SEC31A: variants seen among roughly 807,000 people sequenced by gnomAD.
The protein encoded by SEC31A is protein transport protein Sec31A.
In SEC31A, 70 loss-of-function variants were observed where a neutral mutation model predicts 151.0. That is an observed-to-expected ratio of 0.46 (90% CI 0.38 to 0.57). SEC31A has a LOEUF of 0.57. SEC31A is among the 20% of genes least tolerant of loss of function. The pLI, the probability that SEC31A is intolerant of heterozygous loss-of-function variation, is 0.00. For synonymous variants in SEC31A, 475 were observed against 505.9 expected (o/e 0.94, Z 0.82); for missense variants, 1,330 against 1,471.2 (o/e 0.90, Z 1.57).
chr4:82,870,829 A>C (rs1736490279), intron 7 of SEC31A, among the ~76,000 whole-genome samples: 1 of 152,272 alleles, frequency 6.6e-6, no homozygotes. Flanking sequence ...AATGTAGTGC[A>C]GTGTATGACA....
intron 22 of SEC31A, among the ~76,000 whole-genome samples, chr4:82,841,612 G>C (rs760431028): frequency 4.0e-5 from 6 of 149,756 alleles, no homozygotes; most frequent in Non-Finnish European, 8.9e-5. Context: ...CTGCACTCCA[G>C]CCTAGGCAAC....
Position 82,867,906 on chromosome 4 carries a change from T to C in SEC31A, c.883-590A>G, listed in dbSNP as rs568994451. Among the ~76,000 whole-genome samples the C allele has an allele frequency of 5.2e-5, 8 of 152,384 alleles. No individual in the cohort carries two copies. In the East Asian group the frequency reaches 1.5e-3, roughly 29 times the overall value. ...CCTTGGCCTCCCAAAGTGCTGGGAT[T>C]ACAGGCGTGAGCCACCGCACCCGGC... On this transcript the variant is annotated intron_variant, in intron 8 of 26. Coordinates refer to ENST00000395310, the MANE Select transcript of SEC31A (RefSeq NM_001077207.4).
intron 1 of SEC31A, among the ~76,000 whole-genome samples, chr4:82,887,345 G>T (rs1740959498): frequency 6.6e-6 from 1 of 151,914 alleles, no homozygotes; most frequent in Admixed American, 6.6e-5. Flanking sequence ...ATTTACTAAA[G>T]TTTATTTCTT....
intron 20 of SEC31A, among the ~76,000 whole-genome samples, chr4:82,847,725 A>G (rs1381535441): frequency 6.6e-6 from 1 of 152,196 alleles, no homozygotes; most frequent in South Asian, 2.1e-4. Flanking sequence ...AGTCTAGTGC[A>G]ATCTCCATGA....
intron 25 of SEC31A, chr4:82,821,498 A>C (rs1164874691): frequency 6.6e-6 from 1 of 150,562 alleles, no homozygotes; most frequent in African/African-American, 2.6e-5. Flanking sequence ...CAGTGAGCCG[A>C]GATCACGCCA....
chr4:82,828,927 A>T, intron 23 of SEC31A, 73 bp downstream of exon 23: 1 of 1,146,540 alleles, frequency 8.7e-7, no homozygotes, highest in East Asian at 2.3e-5. Flanking sequence ...TCAGTGAAGT[A>T]TAGTGTGTTC....
Position 82,847,230 on chromosome 4 carries a change from G to T in SEC31A, c.2502+1574C>A, listed in dbSNP as rs568734794. Among the ~76,000 whole-genome samples the T allele has an allele frequency of 1.3e-4, 20 of 152,224 alleles. No individual in the cohort carries two copies. The South Asian group carries it at 3.7e-3, about 28-fold the overall frequency. On this transcript the variant is annotated intron_variant, in intron 20 of 26. Transcript: ENST00000395310. ...GGGTCAACTGTAAAGGCAAAGCTGC[G>T]CTGGTCAAAGTGGAAGTGCAAGTCC...
chr4:82,877,381 GTCTT>G (rs1738196350), intron 4 of SEC31A: 1 of 75,184 alleles, frequency 1.3e-5, no homozygotes, highest in Non-Finnish European at 3.1e-5. Flanking sequence ...TTAACTCAAG[GTCTT>G]TTTTTTTTTT....
chr4:82,884,324 A>G (rs1417755626), intron 1 of SEC31A, among the ~76,000 whole-genome samples: 1 of 152,082 alleles, frequency 6.6e-6, no homozygotes, highest in Non-Finnish European at 1.5e-5. Context: ...TTGATAGACT[A>G]TCTTTTGACT....
chr4:82,860,195 A>T (rs754873493), intron 14 of SEC31A, among the ~76,000 whole-genome samples: 7 of 152,272 alleles, frequency 4.6e-5, no homozygotes, highest in Middle Eastern at 3.4e-3. Flanking sequence ...AAAATGCACA[A>T]TTTATTAGGT....
intron 23 of SEC31A, among the ~76,000 whole-genome samples, chr4:82,828,690 A>AAAAAAAAAAAAAAAAAC (rs1725199057): frequency 6.6e-6 from 1 of 150,678 alleles, no homozygotes; most frequent in Non-Finnish European, 1.5e-5. Flanking sequence ...AAAAAAAAAA[A>AAAAAAAAAAAAAAAAAC]AAAAAAAGAA....
chr4:82,830,455 G>A (rs949314850), intron 22 of SEC31A, among the ~76,000 whole-genome samples: 5 of 152,088 alleles, frequency 3.3e-5, no homozygotes, highest in African/African-American at 4.8e-5. Context: ...ACGAGACTCC[G>A]TCTCAAAAAA....
chr4:82,838,627 G>GTC (rs1727988469), intron 22 of SEC31A, among the ~76,000 whole-genome samples: 1 of 152,214 alleles, frequency 6.6e-6, no homozygotes, highest in African/African-American at 2.4e-5. Flanking sequence ...ATTATATGAA[G>GTC]TAAAACTCCT....
In SEC31A at chr4:82,864,495, G is replaced by A; in HGVS notation, c.1301C>T (p.Thr434Ile). ...QHHVFISQVV[T>I]EKEFLSRSDQ... ...TGATCGGCTGAGGAACTCCTTTTCT[G>A]TTACAACCTGACTAATGAACACATG... The change falls in exon 11 of 27, where the codon ACA becomes ATA. Residue 434 changes from threonine to isoleucine, a missense_variant. Physicochemically the swap from Thr to Ile is moderately conservative, Grantham distance 89. Transcript: ENST00000395310. 1 of 1,614,088 alleles carries A rather than the reference G, an allele frequency of 6.2e-7. No individual in the cohort carries two copies. Among genetic ancestry groups the A allele is most frequent in the Non-Finnish European group, 8.5e-7 (1 of 1,180,022 alleles).
chr4:82,840,818 A>G (rs919522930), intron 22 of SEC31A, among the ~76,000 whole-genome samples: 2 of 152,214 alleles, frequency 1.3e-5, no homozygotes, highest in African/African-American at 4.8e-5. Context: ...ATATGGTACA[A>G]AAGATTTAAA....
At chr4:82,888,403 CAG>C (rs143900616) in intron 1 of SEC31A, among the ~76,000 whole-genome samples, 63,419 of 87,778 alleles carry the variant, frequency 0.72, 20,011 homozygotes, top group Admixed American at 0.76. Flanking sequence ...TATATACACA[CAG>C]ACACGGCCAG....
upstream of SEC31A, among the ~76,000 whole-genome samples, chr4:82,891,805 T>G (rs180732350): frequency 6.6e-6 from 1 of 152,376 alleles, no homozygotes; most frequent in African/African-American, 2.4e-5. Context: ...CTTCTGCCAC[T>G]GTTTCTCCAC....
intron 26 of SEC31A, among the ~76,000 whole-genome samples, 178 bp downstream of exon 26, chr4:82,820,859 C>T (rs1723164264): frequency 6.6e-6 from 1 of 152,144 alleles, no homozygotes. Context: ...CACACACACA[C>T]CCGTATCCCC....
chr4:82,859,699 C>G lies in SEC31A; in HGVS notation c.1626+1932G>C, dbSNP rs554566290. On this transcript the variant is annotated intron_variant, in intron 14 of 26. Transcript: ENST00000395310. ...AAGAGAAGCATTTGGAATTTAAAAA[C>G]TAAAAGAAATTAAGAATTTAAGTTA... is the stretch of plus-strand genomic sequence containing the variant. Among the ~76,000 whole-genome samples, 39 of 152,026 alleles carry G rather than the reference C, an allele frequency of 2.6e-4. 1 individual carries two copies. In the East Asian group the frequency reaches 7.3e-3, roughly 29 times the overall value.
Sources: allele counts gnomAD v4.1 joint callset (sites outside exome capture counted in the v4.1 genomes callset), GRCh38; gene constraint gnomAD v4.1.1; transcripts MANE v1.5; gene names NCBI Gene and HGNC (gene_info 2026-07-23, HGNC 2026-07-21).